PRIMA1: variants seen among roughly 807,000 people sequenced by gnomAD.
PRIMA1 encodes the protein proline-rich membrane anchor 1.
A neutral mutation model predicts 17.5 loss-of-function variants in PRIMA1; 7 were observed. The ratio of observed to expected loss-of-function variants is 0.40; its 90% CI spans 0.23 to 0.75. The LOEUF is 0.75. PRIMA1 is among the 30% of genes least tolerant of loss of function. The pLI is 0.37. For missense variants in PRIMA1, 200 were observed against 201.8 expected, an observed-to-expected ratio of 0.99 and a Z score of 0.05; for synonymous variants, 97 against 77.9, an observed-to-expected ratio of 1.25 and a Z score of -1.29.
intron 3 of PRIMA1, among the ~76,000 whole-genome samples, chr14:93,738,537 G>A (rs2076165547): frequency 6.6e-6 from 1 of 152,186 alleles, no homozygotes; most frequent in African/African-American, 2.4e-5. Flanking sequence ...ATATGCAAAA[G>A]AATCAGAAAT....
intron 3 of PRIMA1, among the ~76,000 whole-genome samples, chr14:93,761,793 C>G (rs891718188): frequency 7.9e-5 from 12 of 152,198 alleles, no homozygotes; most frequent in African/African-American, 2.9e-4. Flanking sequence ...GAACGGACCT[C>G]ATGACCACCT....
intron 3 of PRIMA1, among the ~76,000 whole-genome samples, chr14:93,763,500 GA>G (rs1884795829): frequency 6.6e-6 from 1 of 152,136 alleles, no homozygotes; most frequent in Non-Finnish European, 1.5e-5. Flanking sequence ...TCACACCACC[GA>G]TTGTCTTCCA....
chr14:93,753,328 T>A (rs1234581532), intron 3 of PRIMA1, among the ~76,000 whole-genome samples: 1 of 152,232 alleles, frequency 6.6e-6, no homozygotes, highest in Non-Finnish European at 1.5e-5. Context: ...AAGGCATTAT[T>A]TCCAAGGCAT....
chr14:93,756,345 G>T (rs1485698955), intron 3 of PRIMA1, among the ~76,000 whole-genome samples: 1 of 152,202 alleles, frequency 6.6e-6, no homozygotes, highest in East Asian at 1.9e-4. Flanking sequence ...CTCAGACATG[G>T]ATTGATTTTA....
At chr14:93,751,367 T>TC (rs1286957549) in intron 3 of PRIMA1, among the ~76,000 whole-genome samples, 1 of 152,112 alleles carries the variant, frequency 6.6e-6, no homozygotes, top group African/African-American at 2.4e-5. Flanking sequence ...TCACTCGGCT[T>TC]CCCCCCTGCT....
chr14:93,759,929 T>C (rs980526431), intron 3 of PRIMA1, among the ~76,000 whole-genome samples: 7 of 152,346 alleles, frequency 4.6e-5, no homozygotes, highest in Non-Finnish European at 7.3e-5. Context: ...CCTGAGACAC[T>C]TGAACCTTTA....
intron 3 of PRIMA1, among the ~76,000 whole-genome samples, chr14:93,773,977 A>C (rs926951041): frequency 2.0e-5 from 3 of 152,172 alleles, no homozygotes; most frequent in African/African-American, 7.2e-5. Flanking sequence ...CTGTAATCCC[A>C]GCTACTCGGG....
At chr14:93,724,477 T>C (rs1199678937) in intron 4 of PRIMA1, among the ~76,000 whole-genome samples, 1 of 152,114 alleles carries the variant, frequency 6.6e-6, no homozygotes, top group African/African-American at 2.4e-5. Context: ...GTCCCCTTCA[T>C]CCCCGTTCCT....
intron 2 of PRIMA1, among the ~76,000 whole-genome samples, chr14:93,785,775 C>T (rs928623539): frequency 6.6e-6 from 1 of 152,102 alleles, no homozygotes; most frequent in Admixed American, 6.5e-5. Context: ...CAAGATTTTA[C>T]CCATTCTACT....
chr14:93,756,765 C>A (rs934301420), intron 3 of PRIMA1, among the ~76,000 whole-genome samples: 1 of 152,148 alleles, frequency 6.6e-6, no homozygotes, highest in Non-Finnish European at 1.5e-5. Context: ...TCCCCTGCCC[C>A]TCTCCTCCCC....
At chr14:93,723,467 T>C (rs912018101) in intron 4 of PRIMA1, among the ~76,000 whole-genome samples, 2 of 152,116 alleles carry the variant, frequency 1.3e-5, no homozygotes, top group African/African-American at 4.8e-5. Flanking sequence ...TAGCAGTTCA[T>C]GGGAAGAACA....
At chr14:93,756,684 G>A (rs974611305) in intron 3 of PRIMA1, among the ~76,000 whole-genome samples, 1 of 151,990 alleles carries the variant, frequency 6.6e-6, no homozygotes, top group Admixed American at 6.6e-5. Context: ...ATCCAGCTGC[G>A]ACTCAGTGTC....
At chr14:93,752,116 T>C (rs1185035558) in intron 3 of PRIMA1, among the ~76,000 whole-genome samples, 4 of 152,192 alleles carry the variant, frequency 2.6e-5, no homozygotes, top group African/African-American at 9.6e-5. Context: ...TTTCTTACCC[T>C]ACTGAAAGCA....
chr14:93,773,544 G>A (rs1307975876), intron 3 of PRIMA1, among the ~76,000 whole-genome samples: 2 of 152,264 alleles, frequency 1.3e-5, no homozygotes, highest in African/African-American at 4.8e-5. Context: ...TCAAGTTGGA[G>A]AACCCCTGGT....
intron 3 of PRIMA1, among the ~76,000 whole-genome samples, chr14:93,747,742 GAAGTGTGTGGAGTGC>G (rs1413581562): frequency 1.3e-5 from 2 of 151,520 alleles, no homozygotes; most frequent in African/African-American, 2.4e-5. Context: ...GTGCGAGTGG[GAAGTGTGTGGAGTGC>G]AAGTGTGTGG....
chr14:93,782,199 C>T (rs558083419), intron 2 of PRIMA1, among the ~76,000 whole-genome samples: 21 of 151,398 alleles, frequency 1.4e-4, no homozygotes, highest in African/African-American at 4.4e-4. Flanking sequence ...ACACGGGAGG[C>T]GGAGCTTGCA....
chr14:93,759,509 A>ACG (rs2076313346), intron 3 of PRIMA1, among the ~76,000 whole-genome samples: 3 of 148,682 alleles, frequency 2.0e-5, no homozygotes, highest in Admixed American at 6.6e-5. Flanking sequence ...GTGCGTGTGC[A>ACG]TGTGTGTGTG....
At position 93,725,676 on chromosome 14, in the gene PRIMA1, C is replaced by T. The variant is rs372652518; in HGVS notation, c.360-4130G>A. ...ATAGGCTTGTTGGGAGGATTAAACA[C>T]GTTAGTCCATGTCAAGCACTTAGAC... On this transcript the variant is annotated intron_variant, in intron 4 of 4. Transcript: ENST00000393140. Among the ~76,000 whole-genome samples the T allele has an allele frequency of 5.9e-5, 9 of 152,204 alleles. No homozygotes were observed. The South Asian group carries it at 8.3e-4, about 14-fold the overall frequency.
chr14:93,720,428 C>A lies in PRIMA1; in HGVS notation c.*1016G>T, dbSNP rs1216599233. ...AAGAACAACACCTCCTTCTTGGCGA[C>A]TGGGGCTCGGGGTAGGGTAAAATGG... On this transcript the variant is annotated 3_prime_UTR_variant, in exon 5 of 5. Coordinates refer to ENST00000393140, the MANE Select transcript of PRIMA1 (RefSeq NM_178013.4). 1 of 152,500 alleles carries A rather than the reference C, an allele frequency of 6.6e-6. No homozygotes were observed. Among genetic ancestry groups the A allele is most frequent in the African/African-American group, 2.4e-5 (1 of 41,474 alleles). 9.4% of individuals were successfully genotyped at this position (152,500 alleles called of 1,614,324 possible).
Sources: gnomAD v4.1 joint callset for allele counts (sites outside exome capture counted in the v4.1 genomes callset) on GRCh38, gnomAD v4.1.1 for gene constraint, MANE v1.5 for transcripts, NCBI Gene and HGNC (gene_info 2026-07-23, HGNC 2026-07-21) for gene names.